Variants in XKR6 observed in about 807,000 individuals in gnomAD.
XKR6 encodes the protein XK-related protein 6.
Under a neutral mutation model 56.7 loss-of-function variants are expected in XKR6, and 22 were observed. The observed-to-expected ratio is 0.39, with a 90% CI of 0.28 to 0.55. The LOEUF (loss-of-function observed/expected upper bound fraction) is 0.55. Among genes scored for constraint, XKR6 ranks in the 20% least tolerant of loss-of-function variants. The pLI is 0.66. For missense variants in XKR6, 852 were observed against 889.0 expected (o/e 0.96, Z 0.53); for synonymous variants, 524 against 387.8 (o/e 1.35, Z -4.13).
chr8:11,033,863 T>C (rs1159721573), intron 1 of XKR6, among the ~76,000 whole-genome samples: 2 of 152,170 alleles, frequency 1.3e-5, no homozygotes, highest in African/African-American at 2.4e-5. Flanking sequence ...TTCCGTATAC[T>C]AGACATGGAG....
At chr8:11,002,394 G>T in intron 1 of XKR6, 1 of 379,850 alleles carries the variant, frequency 2.6e-6, no homozygotes, top group Non-Finnish European at 5.6e-6. Flanking sequence ...TCACCCAGCA[G>T]TTCTGTTGGC....
intron 1 of XKR6, among the ~76,000 whole-genome samples, chr8:11,019,906 C>A (rs992863863): frequency 2.0e-5 from 3 of 152,256 alleles, no homozygotes; most frequent in Non-Finnish European, 2.9e-5. Flanking sequence ...ACTTCCCAGC[C>A]GGGCCAGAGT....
At chr8:11,120,963 C>T (rs1586573977) in intron 1 of XKR6, among the ~76,000 whole-genome samples, 1 of 152,080 alleles carries the variant, frequency 6.6e-6, no homozygotes, top group Non-Finnish European at 1.5e-5. Context: ...ATAAATGGTG[C>T]TGGGAAAACT....
At chr8:10,921,246 G>T (rs1800700373) in intron 2 of XKR6, among the ~76,000 whole-genome samples, 1 of 152,246 alleles carries the variant, frequency 6.6e-6, no homozygotes, top group Non-Finnish European at 1.5e-5. Context: ...ATCATAGAAA[G>T]GACAGGCATA....
intron 1 of XKR6, among the ~76,000 whole-genome samples, chr8:11,176,200 T>C (rs1319868207): frequency 6.6e-6 from 1 of 152,216 alleles, no homozygotes; most frequent in Non-Finnish European, 1.5e-5. Flanking sequence ...ACAACTGTAA[T>C]AACCCTAGGA....
chr8:11,001,661 C>A (rs549433610), intron 1 of XKR6, among the ~76,000 whole-genome samples: 4 of 152,304 alleles, frequency 2.6e-5, no homozygotes, highest in South Asian at 4.1e-4. Flanking sequence ...GTAGCCGTTG[C>A]TGCACCGCAA....
chr8:11,124,314 C>A (rs1490874638), intron 1 of XKR6: 4 of 334,398 alleles, frequency 1.2e-5, no homozygotes, highest in Non-Finnish European at 2.3e-5. Flanking sequence ...TTCATTTCTA[C>A]TGGACTCTTG....
At chr8:10,910,597 C>T (rs1227265340) in intron 2 of XKR6, among the ~76,000 whole-genome samples, 3 of 152,176 alleles carry the variant, frequency 2.0e-5, no homozygotes, top group African/African-American at 7.2e-5. Context: ...ACCCTGGGCT[C>T]TTCTGAGCAG....
intron 1 of XKR6, among the ~76,000 whole-genome samples, chr8:11,176,431 A>G (rs907681986): frequency 2.0e-5 from 3 of 152,232 alleles, no homozygotes; most frequent in African/African-American, 7.2e-5. Context: ...AAACTTAAGC[A>G]TGACACCAAT....
At chr8:11,190,505 AC>A (rs2117125958) in intron 1 of XKR6, among the ~76,000 whole-genome samples, 1 of 152,210 alleles carries the variant, frequency 6.6e-6, no homozygotes, top group African/African-American at 2.4e-5. Context: ...GGTACTGAAA[AC>A]TGTGTCCTAA....
intron 1 of XKR6, among the ~76,000 whole-genome samples, chr8:11,052,108 C>A (rs889784202): frequency 3.9e-5 from 6 of 152,164 alleles, no homozygotes; most frequent in Non-Finnish European, 8.8e-5. Context: ...CCCCTCACCC[C>A]CTCTGCTCCA....
intron 1 of XKR6, among the ~76,000 whole-genome samples, chr8:10,985,746 G>A (rs1000738867): frequency 4.0e-5 from 6 of 151,832 alleles, no homozygotes; most frequent in Non-Finnish European, 7.4e-5. Context: ...TATAAATTAC[G>A]CAGTCTCTGG....
chr8:11,157,201 T>C (rs1024515302), intron 1 of XKR6, among the ~76,000 whole-genome samples: 3 of 152,114 alleles, frequency 2.0e-5, no homozygotes, highest in African/African-American at 7.2e-5. Flanking sequence ...CAAGAAACTG[T>C]TGCAGCGCAG....
intron 1 of XKR6, among the ~76,000 whole-genome samples, chr8:11,104,010 G>T (rs565191038): frequency 6.6e-6 from 1 of 152,178 alleles, no homozygotes; most frequent in African/African-American, 2.4e-5. Flanking sequence ...AATATCCCTC[G>T]TACCAATTTC....
intron 1 of XKR6, among the ~76,000 whole-genome samples, chr8:10,945,642 C>T (rs577164646): frequency 3.3e-4 from 50 of 152,278 alleles, no homozygotes; most frequent in Non-Finnish European, 4.4e-4. Flanking sequence ...ATGAGGCACA[C>T]GACCTGGTAC....
At chr8:11,016,784 C>T (rs951969082) in intron 1 of XKR6, among the ~76,000 whole-genome samples, 2 of 152,216 alleles carry the variant, frequency 1.3e-5, no homozygotes, top group Non-Finnish European at 2.9e-5. Context: ...CGCGTCCTTG[C>T]TCCCCCACCA....
chr8:11,197,868 G>C (rs1441597393), intron 1 of XKR6, among the ~76,000 whole-genome samples: 7 of 152,210 alleles, frequency 4.6e-5, no homozygotes, highest in Non-Finnish European at 1.0e-4. Flanking sequence ...TTAAATCGGT[G>C]TTGTGCTCTG....
intron 1 of XKR6, among the ~76,000 whole-genome samples, chr8:11,075,076 G>A (rs1800236390): frequency 6.6e-6 from 1 of 152,196 alleles, no homozygotes; most frequent in South Asian, 2.1e-4. Flanking sequence ...ACTAGTACAG[G>A]TGGGGAGGGA....
chr8:11,054,571 A>G (rs1799633845), intron 1 of XKR6, among the ~76,000 whole-genome samples: 1 of 152,236 alleles, frequency 6.6e-6, no homozygotes, highest in Non-Finnish European at 1.5e-5. Flanking sequence ...GCACACACGC[A>G]TGCCTGCCTC....
Sources: gnomAD v4.1 joint callset for allele counts (sites outside exome capture counted in the v4.1 genomes callset) on GRCh38, gnomAD v4.1.1 for gene constraint, MANE v1.5 for transcripts, NCBI Gene and HGNC (gene_info 2026-07-23, HGNC 2026-07-21) for gene names.